ACACB: variants seen among roughly 807,000 people sequenced by gnomAD.
ACACB encodes the protein acetyl-CoA carboxylase 2.
In ACACB, 209 loss-of-function variants were observed where a neutral mutation model predicts 278.8. The observed-to-expected ratio is 0.75, with a 90% CI of 0.67 to 0.84. The LOEUF is 0.84. Among genes scored for constraint, ACACB ranks in the 40% least tolerant of loss-of-function variants. The pLI is 0.00. For missense variants in ACACB, 2,850 were observed against 3,269.0 expected (o/e 0.87, Z 3.13); for synonymous variants, 1,174 against 1,285.6 (o/e 0.91, Z 1.86).
At chr12:109,164,373 C>T (rs1356881052) in intron 2 of ACACB, among the ~76,000 whole-genome samples, 1 of 152,098 alleles carries the variant, frequency 6.6e-6, no homozygotes, top group African/African-American at 2.4e-5. Context: ...GCTGGGATTA[C>T]AGGTGCACAA....
chr12:109,256,761 G>A (rs1033118656), intron 45 of ACACB, among the ~76,000 whole-genome samples: 60 of 152,230 alleles, frequency 3.9e-4, no homozygotes, highest in African/African-American at 1.4e-3. Flanking sequence ...GTACGATGTC[G>A]CAGCTATAAG....
At chr12:109,261,631 G>A (rs1344682582) in intron 48 of ACACB, among the ~76,000 whole-genome samples, 2 of 152,144 alleles carry the variant, frequency 1.3e-5, no homozygotes, top group Non-Finnish European at 2.9e-5. Flanking sequence ...AGCATTTTGG[G>A]AGGCTAAGGG....
intron 45 of ACACB, among the ~76,000 whole-genome samples, chr12:109,257,135 G>T (rs771198094): frequency 2.6e-5 from 4 of 152,048 alleles, no homozygotes; most frequent in Non-Finnish European, 4.4e-5. Context: ...TTAGCTGGGC[G>T]TGGTGGCAGG....
At chr12:109,170,094 G>C (rs564326112) in intron 4 of ACACB, among the ~76,000 whole-genome samples, 1 of 150,182 alleles carries the variant, frequency 6.7e-6, no homozygotes, top group African/African-American at 2.5e-5. Flanking sequence ...TCATTGATGT[G>C]TGGGTTTTTG....
intron 1 of ACACB, among the ~76,000 whole-genome samples, chr12:109,129,574 C>T (rs2042770796): frequency 6.6e-6 from 1 of 152,202 alleles, no homozygotes; most frequent in Non-Finnish European, 1.5e-5. Flanking sequence ...CCAAACACAC[C>T]CAGAGTCCTT....
At chr12:109,264,147 C>A in intron 49 of ACACB, 85 bp from the exon 50 acceptor site, 1 of 1,435,212 alleles carries the variant, frequency 7.0e-7, no homozygotes, top group Non-Finnish European at 9.5e-7. Flanking sequence ...CTGATTTGTG[C>A]CTTCTTCAAA....
At chr12:109,197,394 G>T (rs1233724712) in intron 17 of ACACB, among the ~76,000 whole-genome samples, 2 of 152,132 alleles carry the variant, frequency 1.3e-5, no homozygotes, top group Non-Finnish European at 2.9e-5. Context: ...GGGATTCAGA[G>T]CTGAACGGGA....
chr12:109,161,695 T>C (rs1308716503), intron 2 of ACACB, among the ~76,000 whole-genome samples: 1 of 151,810 alleles, frequency 6.6e-6, no homozygotes, highest in Non-Finnish European at 1.5e-5. Context: ...TTGGTGTATA[T>C]ATATATATAA....
At chr12:109,172,048 C>A in intron 5 of ACACB, 134 bp downstream of exon 5, 2 of 827,758 alleles carry the variant, frequency 2.4e-6, no homozygotes, top group Non-Finnish European at 2.0e-6. Context: ...GCTGATGTAA[C>A]ACAGAAAAGA....
chr12:109,256,456 C>T (rs903381175), intron 45 of ACACB, among the ~76,000 whole-genome samples: 1 of 152,170 alleles, frequency 6.6e-6, no homozygotes, highest in Non-Finnish European at 1.5e-5. Flanking sequence ...TGTAGTCAGT[C>T]CCCAGGCCAC....
At chr12:109,126,564 G>T (rs1279631586) in intron 1 of ACACB, among the ~76,000 whole-genome samples, 1 of 152,122 alleles carries the variant, frequency 6.6e-6, no homozygotes, top group Non-Finnish European at 1.5e-5. Flanking sequence ...TGCACCTGTA[G>T]TCCCAGCTAT....
intron 2 of ACACB, among the ~76,000 whole-genome samples, chr12:109,141,643 G>A (rs1398393175): frequency 6.6e-6 from 1 of 152,188 alleles, no homozygotes; most frequent in Non-Finnish European, 1.5e-5. Flanking sequence ...GAAAAATCTA[G>A]AGGTGGTCTT....
At chr12:109,213,895 C>T (rs1053522906) in intron 22 of ACACB, among the ~76,000 whole-genome samples, 18 of 152,164 alleles carry the variant, frequency 1.2e-4, no homozygotes, top group African/African-American at 3.1e-4. Flanking sequence ...CCACTGCACC[C>T]GGCTGACAAA....
At chr12:109,141,447 A>C in intron 2 of ACACB, among the ~76,000 whole-genome samples, 1 of 152,200 alleles carries the variant, frequency 6.6e-6, no homozygotes, top group East Asian at 1.9e-4. Flanking sequence ...CAGCACTTCC[A>C]GGTAGAAAAT....
At chr12:109,193,820 G>A (rs1333740000) in intron 16 of ACACB, 91 bp downstream of exon 16, 16 of 1,181,096 alleles carry the variant, frequency 1.4e-5, no homozygotes, top group Non-Finnish European at 2.0e-5. Context: ...GAGTGGATTT[G>A]CTCATGCTTG....
Position 109,216,667 on chromosome 12 carries a change from C to T in ACACB, c.3400C>T (p.Leu1134=). The T allele has an allele frequency of 6.2e-7, 1 of 1,614,206 alleles. No individual in the cohort carries two copies. The highest frequency in any genetic ancestry group is 8.5e-7 in the Non-Finnish European group (1 of 1,180,042). Residue 1134 remains leucine (L), a synonymous_variant, in exon 23 of 53, where the codon CTG becomes TTG. Coordinates refer to ENST00000338432, the MANE Select transcript of ACACB (RefSeq NM_001093.4). Reference sequence around the variant, plus strand: ...TATGAAAACAGTGGTGTTGGATCTCCTGAGAAGATACTTGCGTGTTGAGCA... The same window carrying T: ...TATGAAAACAGTGGTGTTGGATCTCTTGAGAAGATACTTGCGTGTTGAGCA... ...GYMKTVVLDL[L]RRYLRVEHHF...
rs1565942627 is a variant in ACACB at position 109,222,822 on chromosome 12, C to T, written c.3702C>T (p.Pro1234=). 12 of 1,613,894 alleles carry T rather than the reference C, an allele frequency of 7.4e-6. No individual in the cohort carries two copies. Among genetic ancestry groups the T allele is most frequent in the Non-Finnish European group, 9.3e-6 (11 of 1,179,880 alleles). Residue 1234 remains proline (P), a synonymous_variant, in exon 26 of 53, where the codon CCC becomes CCT. Transcript: ENST00000338432. ...ARQILIASHL[P]SYELRHNQVE... Reference sequence around the variant, plus strand: ...AGATCCTGATTGCCTCCCACCTCCCCTCCTACGAGCTGCGGCATAACCAGG... The same window carrying T: ...AGATCCTGATTGCCTCCCACCTCCCTTCCTACGAGCTGCGGCATAACCAGG...
chr12:109,265,346 A>G (rs755859281), intron 51 of ACACB, 43 bp from the exon 52 acceptor site: 1 of 1,610,930 alleles, frequency 6.2e-7, no homozygotes, highest in East Asian at 2.2e-5. Context: ...CAGCTGGCCC[A>G]CAGCTGGGTC....
rs778057425 is a variant in ACACB at position 109,179,227 on chromosome 12, G to A, written c.1577G>A (p.Arg526Gln). 2.0e-5 allele frequency: 32 copies of A among 1,613,930 alleles called. No homozygotes were observed. The highest frequency in any genetic ancestry group is 7.7e-5 in the South Asian group (7 of 91,072). ...GGTCGCGACTGCTCCATCCAGCGGC[G>A]GCATCAGAAGATCGTTGAGGAAGCA... ...LFGRDCSIQR[R>Q]HQKIVEEAPA... The change falls in exon 10 of 53, where the codon CGG (arginine) becomes CAG (glutamine). Residue 526 changes from arginine (R) to glutamine (Q), a missense_variant. By Grantham distance (43) the Arg-to-Gln change is conservative. Around this residue, in one of 3 missense-constraint regions of ACACB, gnomAD observed 2,265 missense variants for 2,561.3 expected, o/e 0.88. Coordinates refer to ENST00000338432, the MANE Select transcript of ACACB (RefSeq NM_001093.4).
Sources: allele counts gnomAD v4.1 joint callset (sites outside exome capture counted in the v4.1 genomes callset), GRCh38; gene constraint gnomAD v4.1.1; regional missense constraint gnomAD v4.1.1; transcripts MANE v1.5; gene names NCBI Gene and HGNC (gene_info 2026-07-23, HGNC 2026-07-21).